DEPTOR: variants seen among roughly 807,000 people sequenced by gnomAD.
The protein encoded by DEPTOR is DEP domain-containing mTOR-interacting protein.
In DEPTOR, 41 loss-of-function variants were observed where a neutral mutation model predicts 41.6. That is an observed-to-expected ratio of 0.98 (90% confidence interval 0.77 to 1.28). The LOEUF (loss-of-function observed/expected upper bound fraction) is 1.28. DEPTOR is among the 50% of genes most tolerant of loss of function. DEPTOR has a pLI of 0.00. For synonymous variants in DEPTOR, 195 were observed against 192.3 expected, an observed-to-expected ratio of 1.01 and a Z score of -0.12; for missense variants, 514 against 527.9, an observed-to-expected ratio of 0.97 and a Z score of 0.26.
intron 3 of DEPTOR, among the ~76,000 whole-genome samples, chr8:119,961,158 T>A (rs1426319516): frequency 6.6e-6 from 1 of 151,978 alleles, no homozygotes; most frequent in East Asian, 1.9e-4. Flanking sequence ...GGATCACGTC[T>A]GTAATCCCCG....
chr8:119,885,432 G>A (rs1827351499), intron 1 of DEPTOR, among the ~76,000 whole-genome samples: 1 of 152,128 alleles, frequency 6.6e-6, no homozygotes, highest in Non-Finnish European at 1.5e-5. Flanking sequence ...ATTACCTAAT[G>A]TATGACTCTG....
chr8:119,914,593 C>G lies in DEPTOR; in HGVS notation c.123-13807C>G, dbSNP rs566230894. On this transcript the variant is annotated intron_variant, in intron 1 of 8. Transcript: ENST00000286234. ...TAGCTGGGATTACAGGTGCTTGCCA[C>G]CACGCCAGGCTAATTTTTGTACTTT... 5.3e-5 allele frequency among the ~76,000 whole-genome samples: 8 copies of G among 151,950 alleles called. No individual in the cohort carries two copies. The East Asian group carries it at 1.4e-3, about 26-fold the overall frequency.
intron 1 of DEPTOR, among the ~76,000 whole-genome samples, chr8:119,890,314 G>GTTA (rs1827436938): frequency 6.6e-6 from 1 of 151,418 alleles, no homozygotes; most frequent in East Asian, 1.9e-4. Flanking sequence ...TGTTGTTGTT[G>GTTA]TTGTTTGAGA....
At chr8:119,954,445 T>G (rs2129935681) in intron 3 of DEPTOR, among the ~76,000 whole-genome samples, 1 of 152,266 alleles carries the variant, frequency 6.6e-6, no homozygotes, top group Non-Finnish European at 1.5e-5. Context: ...ATGCCCAGTC[T>G]GTTTTGCTTT....
chr8:119,980,604 G>A (rs1447398121), intron 4 of DEPTOR, among the ~76,000 whole-genome samples: 12 of 149,840 alleles, frequency 8.0e-5, no homozygotes, highest in Admixed American at 1.3e-4. Flanking sequence ...TGCAACCTCC[G>A]CCTCCTGTGT....
intron 4 of DEPTOR, among the ~76,000 whole-genome samples, chr8:119,977,682 G>T (rs953430473): frequency 6.6e-6 from 1 of 152,078 alleles, no homozygotes; most frequent in Admixed American, 6.6e-5. Context: ...ATAAAGTATT[G>T]GTTTATGTTA....
At chr8:119,905,076 G>A (rs916411454) in intron 1 of DEPTOR, among the ~76,000 whole-genome samples, 18 of 147,124 alleles carry the variant, frequency 1.2e-4, no homozygotes, top group Non-Finnish European at 2.5e-4. Flanking sequence ...CCAAAGTGCT[G>A]AGGTTACAGG....
rs16893422 is a variant in DEPTOR at position 120,011,102 on chromosome 8, C to G, written c.1101+1969C>G. Among the ~76,000 whole-genome samples the G allele has an allele frequency of 9.2e-3, 1,395 of 152,324 alleles. 20 individuals carry two copies. Among genetic ancestry groups the G allele is most frequent in the African/African-American group, 0.031 (1,287 of 41,570 alleles). ...ATAAGCATGATTGGGATCGCCACCTCTCTGATTTCCAGCATGAGCTCTCTG... is the reference window on the plus strand; with the variant it reads ...ATAAGCATGATTGGGATCGCCACCTGTCTGATTTCCAGCATGAGCTCTCTG... On this transcript the variant is annotated intron_variant, in intron 8 of 8. Coordinates refer to ENST00000286234, the MANE Select transcript of DEPTOR (RefSeq NM_022783.4).
intron 1 of DEPTOR, among the ~76,000 whole-genome samples, chr8:119,894,192 C>T (rs1032224957): frequency 6.6e-6 from 1 of 151,918 alleles, no homozygotes; most frequent in Non-Finnish European, 1.5e-5. Flanking sequence ...CCTTAGCTTA[C>T]CCTTGAGTAG....
chr8:120,010,965 T>C (rs1007455064), intron 8 of DEPTOR, among the ~76,000 whole-genome samples: 1 of 152,234 alleles, frequency 6.6e-6, no homozygotes, highest in Admixed American at 6.5e-5. Flanking sequence ...ATTTCTGTCT[T>C]GATTATCCAA....
intron 8 of DEPTOR, among the ~76,000 whole-genome samples, chr8:120,013,859 A>G (rs1309985220): frequency 2.6e-5 from 3 of 113,618 alleles, no homozygotes; most frequent in East Asian, 5.2e-4. Context: ...TTTTTTTTTG[A>G]GATGGAGTTT....
intron 1 of DEPTOR, among the ~76,000 whole-genome samples, chr8:119,913,208 C>T (rs112235739): frequency 5.3e-4 from 81 of 152,298 alleles, no homozygotes; most frequent in African/African-American, 1.8e-3. Context: ...AGGCATGAGC[C>T]ACTGCACCCA....
intron 8 of DEPTOR, among the ~76,000 whole-genome samples, chr8:120,014,573 G>C (rs1288802669): frequency 6.6e-6 from 1 of 151,830 alleles, no homozygotes; most frequent in Non-Finnish European, 1.5e-5. Context: ...TGTTGCCCAA[G>C]CTGGAGTGCA....
intron 4 of DEPTOR, among the ~76,000 whole-genome samples, chr8:120,000,559 T>G (rs1209952344): frequency 1.3e-5 from 2 of 151,856 alleles, no homozygotes; most frequent in South Asian, 2.1e-4. Context: ...GCCTCCCGGG[T>G]TCAAGTGATT....
intron 4 of DEPTOR, among the ~76,000 whole-genome samples, chr8:119,974,837 A>G (rs1392036555): frequency 6.7e-6 from 1 of 149,512 alleles, no homozygotes; most frequent in Non-Finnish European, 1.5e-5. Flanking sequence ...TCCCTGAAAC[A>G]AAGAAAAAAA....
chr8:120,008,683 A>G (rs1375840927), intron 7 of DEPTOR, among the ~76,000 whole-genome samples: 1 of 152,230 alleles, frequency 6.6e-6, no homozygotes, highest in Non-Finnish European at 1.5e-5. Flanking sequence ...CTGGAGAGAC[A>G]TTTCAACCAC....
chr8:119,905,053 C>T lies in DEPTOR; in HGVS notation c.123-23347C>T, dbSNP rs538493250. ...TAACTTTTGTCCTCAAGCAGTCCTC[C>T]TGCCTTGGCCTCCCAAAGTGCTGAG... On this transcript the variant is annotated intron_variant, in intron 1 of 8. Coordinates refer to ENST00000286234, the MANE Select transcript of DEPTOR (RefSeq NM_022783.4). 6.1e-5 allele frequency among the ~76,000 whole-genome samples: 9 copies of T among 146,388 alleles called. No individual in the cohort carries two copies. In the South Asian group the frequency reaches 1.9e-3, roughly 31 times the overall value.
intron 4 of DEPTOR, among the ~76,000 whole-genome samples, chr8:119,997,142 A>T (rs1387876831): frequency 1.3e-5 from 2 of 152,142 alleles, no homozygotes; most frequent in East Asian, 3.9e-4. Flanking sequence ...ACAGAGTCTC[A>T]CTATGTTTCC....
At chr8:119,885,537 G>T (rs921606993) in intron 1 of DEPTOR, among the ~76,000 whole-genome samples, 1 of 152,138 alleles carries the variant, frequency 6.6e-6, no homozygotes, top group African/African-American at 2.4e-5. Flanking sequence ...GTTATACAGT[G>T]AGCATAGCCT....
Sources: gnomAD v4.1 joint callset for allele counts (sites outside exome capture counted in the v4.1 genomes callset) on GRCh38, gnomAD v4.1.1 for gene constraint, MANE v1.5 for transcripts, NCBI Gene and HGNC (gene_info 2026-07-23, HGNC 2026-07-21) for gene names.